Variants in MACROD2 observed in about 807,000 individuals in gnomAD.
The protein encoded by MACROD2 is mono-ADP ribosylhydrolase 2, also known as ADP-ribose glycohydrolase MACROD2.
In MACROD2, 36 loss-of-function variants were observed where a neutral mutation model predicts 70.4. The ratio of observed to expected loss-of-function variants is 0.51; its 90% CI spans 0.39 to 0.68. MACROD2 has a LOEUF of 0.68. MACROD2 is among the 30% of genes least tolerant of loss of function. MACROD2 has a pLI of 0.00. For synonymous variants in MACROD2, 172 were observed against 178.8 expected (o/e 0.96, Z 0.30); for missense variants, 496 against 538.4 (o/e 0.92, Z 0.78).
At chr20:14,921,030 T>C (rs1028572667) in intron 5 of MACROD2, among the ~76,000 whole-genome samples, 1 of 152,180 alleles carries the variant, frequency 6.6e-6, no homozygotes, top group East Asian at 1.9e-4. Flanking sequence ...TGGAATCCAA[T>C]TTTTGAAGAA....
chr20:15,071,923 C>T (rs928322337), intron 5 of MACROD2, among the ~76,000 whole-genome samples: 5 of 152,082 alleles, frequency 3.3e-5, no homozygotes, highest in African/African-American at 1.2e-4. Context: ...TTGTGATTCT[C>T]ATTCCACTTG....
chr20:14,924,349 GAAT>G (rs765803854), intron 5 of MACROD2, among the ~76,000 whole-genome samples: 9 of 151,960 alleles, frequency 5.9e-5, no homozygotes, highest in Admixed American at 2.0e-4. Context: ...TGAGGCATAA[GAAT>G]TGCTTGAACC....
chr20:14,899,590 A>G (rs2073872153), intron 5 of MACROD2, among the ~76,000 whole-genome samples: 1 of 152,108 alleles, frequency 6.6e-6, no homozygotes, highest in Non-Finnish European at 1.5e-5. Context: ...GGCATCAGTC[A>G]TATTGGACTA....
At chr20:14,647,188 T>G (rs1403278773) in intron 4 of MACROD2, among the ~76,000 whole-genome samples, 1 of 152,162 alleles carries the variant, frequency 6.6e-6, no homozygotes, top group African/African-American at 2.4e-5. Flanking sequence ...TATTTGGCTT[T>G]TCCTGAGTTC....
intron 8 of MACROD2, among the ~76,000 whole-genome samples, chr20:15,656,065 C>T (rs1259940105): frequency 6.6e-6 from 1 of 152,134 alleles, no homozygotes; most frequent in African/African-American, 2.4e-5. Flanking sequence ...GGATTTAACT[C>T]CCCTATTGTT....
At chr20:14,501,439 G>A (rs1437332036) in intron 4 of MACROD2, among the ~76,000 whole-genome samples, 1 of 150,962 alleles carries the variant, frequency 6.6e-6, no homozygotes, top group Non-Finnish European at 1.5e-5. Flanking sequence ...TTACTAATAT[G>A]TATACTAGTG....
At chr20:14,070,001 A>T (rs2053817130) in intron 2 of MACROD2, among the ~76,000 whole-genome samples, 1 of 152,096 alleles carries the variant, frequency 6.6e-6, no homozygotes, top group Admixed American at 6.6e-5. Context: ...ACTGCCAGCC[A>T]GATGTGAGTG....
chr20:15,259,302 T>C (rs1224573280), intron 6 of MACROD2, among the ~76,000 whole-genome samples: 1 of 151,986 alleles, frequency 6.6e-6, no homozygotes, highest in African/African-American at 2.4e-5. Flanking sequence ...AGAAGACACC[T>C]GAGATAGGCC....
At chr20:15,007,257 G>A (rs1275730525) in intron 5 of MACROD2, among the ~76,000 whole-genome samples, 4 of 152,032 alleles carry the variant, frequency 2.6e-5, no homozygotes, top group Non-Finnish European at 5.9e-5. Flanking sequence ...CCAGCTACTG[G>A]GGAGGCTGAG....
chr20:15,408,300 A>G (rs183981503), intron 6 of MACROD2, among the ~76,000 whole-genome samples: 202 of 152,302 alleles, frequency 1.3e-3, no homozygotes, highest in African/African-American at 4.6e-3. Context: ...GCATCAACGG[A>G]CGACAGGTTC....
chr20:15,541,223 C>T (rs1240150378), intron 8 of MACROD2, among the ~76,000 whole-genome samples: 1 of 152,134 alleles, frequency 6.6e-6, no homozygotes, highest in African/African-American at 2.4e-5. Context: ...TTAAACAATT[C>T]TAGAACATAG....
intron 3 of MACROD2, among the ~76,000 whole-genome samples, chr20:14,087,965 A>G (rs1157304583): frequency 6.6e-6 from 1 of 152,094 alleles, no homozygotes; most frequent in Non-Finnish European, 1.5e-5. Flanking sequence ...TAAAAGATAT[A>G]TATACACACA....
At chr20:15,216,918 A>G (rs539700614) in intron 5 of MACROD2, among the ~76,000 whole-genome samples, 34 of 152,286 alleles carry the variant, frequency 2.2e-4, no homozygotes, top group African/African-American at 7.7e-4. Context: ...CTTTCTTGAG[A>G]AAAATTAATT....
chr20:14,952,899 G>C (rs974138286), intron 5 of MACROD2, among the ~76,000 whole-genome samples: 1 of 151,996 alleles, frequency 6.6e-6, no homozygotes, highest in Non-Finnish European at 1.5e-5. Flanking sequence ...CTTTAAGACA[G>C]GGAAAAGGAA....
Position 15,968,797 on chromosome 20 carries a change from G to GTA in MACROD2, c.985+1208_985+1209dup, listed in dbSNP as rs35259261. On this transcript the variant is annotated intron_variant, in intron 13 of 17. Coordinates refer to ENST00000684519, the MANE Select transcript of MACROD2 (RefSeq NM_001351661.2). Reference sequence around the variant, plus strand: ...AAACATATAATATTATATATTATGCGTATATATATATATATATATATATAT... The same window carrying GTA: ...AAACATATAATATTATATATTATGCGTATATATATATATATATATATATATAT... 7.3e-3 allele frequency among the ~76,000 whole-genome samples: 781 copies of GTA among 106,650 alleles called. 2 individuals are homozygous for GTA. Among genetic ancestry groups the GTA allele is most frequent in the Non-Finnish European group, 8.8e-3 (456 of 52,006 alleles). 70.0% of individuals were successfully genotyped at this position (106,650 alleles called of 152,430 possible).
chr20:14,095,704 T>G (rs527293859), intron 3 of MACROD2, among the ~76,000 whole-genome samples: 1 of 152,204 alleles, frequency 6.6e-6, no homozygotes, highest in Middle Eastern at 3.2e-3. Flanking sequence ...GGAGTTTTTA[T>G]TAAAAGCATG....
At chr20:14,999,382 G>C (rs1244126433) in intron 5 of MACROD2, among the ~76,000 whole-genome samples, 1 of 152,200 alleles carries the variant, frequency 6.6e-6, no homozygotes, top group Non-Finnish European at 1.5e-5. Flanking sequence ...ATATAGGCCA[G>C]GTGCCATGAC....
intron 5 of MACROD2, among the ~76,000 whole-genome samples, chr20:14,966,899 C>T (rs1568902478): frequency 6.6e-6 from 1 of 152,074 alleles, no homozygotes; most frequent in Non-Finnish European, 1.5e-5. Context: ...TATAAAGCTG[C>T]TATGAACATT....
At chr20:15,209,615 A>G (rs780830494) in intron 5 of MACROD2, among the ~76,000 whole-genome samples, 1 of 152,174 alleles carries the variant, frequency 6.6e-6, no homozygotes, top group Non-Finnish European at 1.5e-5. Flanking sequence ...AAAGGGAGAC[A>G]TATCCAAAAT....
Sources: gnomAD v4.1 joint callset for allele counts (sites outside exome capture counted in the v4.1 genomes callset) on GRCh38, gnomAD v4.1.1 for gene constraint, MANE v1.5 for transcripts, NCBI Gene and HGNC (gene_info 2026-07-23, HGNC 2026-07-21) for gene names.